The following SLC5A10 variants were observed in gnomAD, a reference collection of about 807,000 sequenced individuals.
SLC5A10 encodes sodium/mannose cotransporter SLC5A10.
A neutral mutation model predicts 68.9 loss-of-function variants in SLC5A10; 55 were observed. The observed-to-expected ratio is 0.80, with a 90% CI of 0.64 to 1.00. The LOEUF is 1.00. SLC5A10 is among the 50% of genes least tolerant of loss of function. SLC5A10 has a pLI of 0.00. For synonymous variants in SLC5A10, 344 were observed against 344.8 expected (o/e 1.00, Z 0.02); for missense variants, 732 against 819.3 (o/e 0.89, Z 1.30).
chr17:18,993,779 G>A (rs1266162408), intron 9 of SLC5A10, among the ~76,000 whole-genome samples: 1 of 152,184 alleles, frequency 6.6e-6, no homozygotes, highest in Non-Finnish European at 1.5e-5. Context: ...TGTGGGCTCT[G>A]CACCCGCTGG....
chr17:18,996,698 G>C lies in SLC5A10; in HGVS notation c.983-16712G>C. Among the ~76,000 whole-genome samples the C allele has an allele frequency of 6.6e-6, 1 of 152,148 alleles. No homozygotes were observed. The highest frequency in any genetic ancestry group is 1.5e-5 in the Non-Finnish European group (1 of 68,018). On this transcript the variant is annotated intron_variant, in intron 9 of 14. Coordinates refer to ENST00000395645, the MANE Select transcript of SLC5A10 (RefSeq NM_001042450.4). This position sits in a 1 kb window ranked among gnomAD's most constrained non-coding sequence, Gnocchi z 4.4. Reference sequence around the variant, plus strand: ...CTGGAGACAGGGAGGGGTGGTGATGGCCACTCCCATTTTCCAGAGGGGGTG... The same window carrying C: ...CTGGAGACAGGGAGGGGTGGTGATGCCCACTCCCATTTTCCAGAGGGGGTG...
At position 19,019,716 on chromosome 17, in the gene SLC5A10, G is replaced by A; in HGVS notation, c.1414G>A (p.Ala472Thr). 1 of 1,609,490 alleles carries A rather than the reference G, an allele frequency of 6.2e-7. No homozygotes were observed. The highest frequency in any genetic ancestry group is 1.3e-5 in the African/African-American group (1 of 75,016). Residue 472 changes from alanine (A) to threonine (T), a missense_variant, in exon 13 of 15, where the codon GCC (alanine) becomes ACC (threonine). Ala to Thr is a moderately conservative substitution (Grantham distance 58, BLOSUM62 0). Coordinates refer to ENST00000395645, the MANE Select transcript of SLC5A10 (RefSeq NM_001042450.4). ...GCCCTGCCTCCCTCCTCCCCAGGGGGCCTTCTGGGGCCTGATAGCAGGGCT... is the reference window on the plus strand; with the variant it reads ...GCCCTGCCTCCCTCCTCCCCAGGGGACCTTCTGGGGCCTGATAGCAGGGCT... ...VFWRRANEQGAFWGLIAGLVV... is the reference protein window; with the variant it reads ...VFWRRANEQGTFWGLIAGLVV...
chr17:19,020,164 C>A lies in SLC5A10; in HGVS notation c.1636C>A (p.Leu546Ile). 1.3e-6 allele frequency: 2 copies of A among 1,545,704 alleles called. No individual in the cohort carries two copies. The highest frequency in any genetic ancestry group is 1.8e-6 in the Non-Finnish European group (2 of 1,137,532). ...CACTCATTTCTTACAGATTGAGAAC[C>A]TTACCTGGTGGACCCTGGCTCAGGA... ...PPPQSVQIEN[L>I]TWWTLAQDVP... Residue 546 changes from leucine (L) to isoleucine (I), a missense_variant, in exon 14 of 15, where the codon CTT becomes ATT. Coordinates refer to ENST00000395645, the MANE Select transcript of SLC5A10 (RefSeq NM_001042450.4).
intron 11 of SLC5A10, among the ~76,000 whole-genome samples, chr17:19,016,619 C>A: frequency 6.6e-6 from 1 of 152,216 alleles, no homozygotes; most frequent in South Asian, 2.1e-4. Context: ...CCTGTTGGGA[C>A]ACGCCAGAGG....
chr17:18,955,084 TCAAAAA>T lies in SLC5A10; in HGVS notation c.111+2769_111+2774del, dbSNP rs1417284049. On this transcript the variant is annotated intron_variant, in intron 1 of 14. Transcript: ENST00000395645. Reference sequence around the variant, plus strand: ...ATGGGCAAAAGAGTGAAACACTGTATCAAAAAAAAAAAAAAAAAAAAAAAAAGAATT... The same window carrying T: ...ATGGGCAAAAGAGTGAAACACTGTATAAAAAAAAAAAAAAAAAAAAGAATT... Among the ~76,000 whole-genome samples, 21 of 23,134 alleles carry T rather than the reference TCAAAAA, an allele frequency of 9.1e-4. 1 individual carries two copies. Among genetic ancestry groups the T allele is most frequent in the Non-Finnish European group, 1.4e-3 (16 of 11,238 alleles). 15.2% of individuals were successfully genotyped at this position (23,134 alleles called of 152,430 possible).
chr17:18,952,602 G>A (rs896761555), intron 1 of SLC5A10: 1 of 301,398 alleles, frequency 3.3e-6, no homozygotes, highest in Non-Finnish European at 6.2e-6. Flanking sequence ...GTCCTTGGGT[G>A]TGGCCCATCA....
intron 12 of SLC5A10, 54 bp from the exon 13 acceptor site, chr17:19,019,659 G>T: frequency 6.2e-7 from 1 of 1,601,944 alleles, no homozygotes. Flanking sequence ...GCCTGTGGGG[G>T]GAGCCTTGGT....
At chr17:19,020,112 G>GGC in intron 13 of SLC5A10, 43 bp from the exon 14 acceptor site, 8 of 551,500 alleles carry the variant, frequency 1.5e-5, no homozygotes, top group Non-Finnish European at 2.2e-5. Context: ...CCCCCACCCT[G>GGC]CCATCCCCCA....
At chr17:19,010,633 T>G (rs559692404) in intron 9 of SLC5A10, among the ~76,000 whole-genome samples, 1 of 144,402 alleles carries the variant, frequency 6.9e-6, no homozygotes, top group African/African-American at 2.5e-5. Context: ...TCACAAAGAA[T>G]CTCCTGACTC....
intron 1 of SLC5A10, among the ~76,000 whole-genome samples, chr17:18,955,198 G>A (rs745977222): frequency 5.9e-5 from 9 of 151,810 alleles, no homozygotes; most frequent in Non-Finnish European, 1.2e-4. Context: ...TAAGGATACA[G>A]CTACACCTCA....
rs1388450046 is a variant in SLC5A10, at chr17:19,020,566, C to T, written c.*135C>T. On this transcript the variant is annotated 3_prime_UTR_variant, in exon 15 of 15. Coordinates refer to ENST00000395645, the MANE Select transcript of SLC5A10 (RefSeq NM_001042450.4). ...AGCAGCTCGGTGCCCAAGAACTGGC[C>T]AAGCCAGCAAAGCGGGAGCCCTGAA... 5 of 760,774 alleles carry T rather than the reference C, an allele frequency of 6.6e-6. No individual in the cohort carries two copies. The highest frequency in any genetic ancestry group is 1.0e-5 in the Non-Finnish European group (5 of 479,986). The allele number at this position is 760,774 out of a possible 1,614,324, so 47.1% of individuals were successfully genotyped here. A position where few individuals can be genotyped will look rare whatever the true frequency, so the allele number is the denominator to read the frequency against.
Position 19,003,590 on chromosome 17 carries a change from A to T in SLC5A10, c.983-9820A>T. ...GGCCTGCCCGTCTATGGGGGGCTGC[A>T]TGTAGACGCTAGCCCGGGTCACGCC... On this transcript the variant is annotated intron_variant, in intron 9 of 14. Transcript: ENST00000395645. The surrounding 1 kb of genome is among the most constrained non-coding windows in gnomAD (Gnocchi z 4.5). The T allele has an allele frequency of 1.2e-6, 2 of 1,605,860 alleles. No individual in the cohort carries two copies. Among genetic ancestry groups the T allele is most frequent in the South Asian group, 1.1e-5 (1 of 90,114 alleles).
At chr17:19,013,154 C>T (rs116396531) in intron 9 of SLC5A10, among the ~76,000 whole-genome samples, 2,678 of 152,276 alleles carry the variant, frequency 0.018, 77 homozygotes, top group African/African-American at 0.061. Flanking sequence ...GCAGAGCCAA[C>T]GGCAGGTGAG....
intron 9 of SLC5A10, among the ~76,000 whole-genome samples, chr17:19,006,598 A>T (rs923085366): frequency 1.3e-5 from 2 of 152,122 alleles, no homozygotes; most frequent in African/African-American, 4.8e-5. Flanking sequence ...TTATGTGTAT[A>T]GATTTGTGTA....
intron 9 of SLC5A10, chr17:18,986,276 T>G (rs1349414311): frequency 6.6e-6 from 1 of 152,264 alleles, no homozygotes; most frequent in Admixed American, 6.5e-5. Flanking sequence ...AGAAGATTGG[T>G]TGAGCCAATA....
rs758626935 is a variant in SLC5A10, at chr17:19,017,730, C to G, written c.1242-1693C>G. 1 of 275,696 alleles carries G rather than the reference C, an allele frequency of 3.6e-6. No homozygotes were observed. Among genetic ancestry groups the G allele is most frequent in the Non-Finnish European group, 7.0e-6 (1 of 142,246 alleles). The allele number at this position is 275,696 out of a possible 1,614,324, so 17.1% of individuals were successfully genotyped here. ...CCCACAGCCTCCTGGAAACCCTGTGCAGGACTCGGAGAGATCTCAGACACC... is the reference window on the plus strand; with the variant it reads ...CCCACAGCCTCCTGGAAACCCTGTGGAGGACTCGGAGAGATCTCAGACACC... On this transcript the variant is annotated intron_variant, in intron 11 of 14. Transcript: ENST00000395645. This position sits in a 1 kb window ranked among gnomAD's most constrained non-coding sequence, Gnocchi z 5.6.
In SLC5A10 at chr17:18,952,228, A is replaced by G; in HGVS notation, c.23A>G (p.Asp8Gly). Residue 8 changes from aspartate to glycine, a missense_variant, in exon 1 of 15, where the codon GAC becomes GGC. By Grantham distance (94) the Asp-to-Gly change is moderately conservative. Coordinates refer to ENST00000395645, the MANE Select transcript of SLC5A10 (RefSeq NM_001042450.4). MAANSTS[D>G]LHTPGTQLSV... ...GCCATGGCCGCCAACTCCACCAGCGACCTCCACACTCCCGGGACGCAGCTG... is the reference window on the plus strand; with the variant it reads ...GCCATGGCCGCCAACTCCACCAGCGGCCTCCACACTCCCGGGACGCAGCTG... 2 of 1,613,434 alleles carry G rather than the reference A, an allele frequency of 1.2e-6. No homozygotes were observed. Among genetic ancestry groups the G allele is most frequent in the Non-Finnish European group, 1.7e-6 (2 of 1,179,754 alleles).
At chr17:18,952,116 A>C (rs1272673664), upstream of SLC5A10, 1 of 1,512,270 alleles carries the variant, frequency 6.6e-7, no homozygotes, top group Non-Finnish European at 8.8e-7. Context: ...TGGTTTAATG[A>C]TCAATGAGCT....
At chr17:18,982,289 C>G (rs961256104) in intron 9 of SLC5A10, among the ~76,000 whole-genome samples, 5 of 152,144 alleles carry the variant, frequency 3.3e-5, no homozygotes, top group Non-Finnish European at 5.9e-5. Context: ...TGCAGCAGGG[C>G]CCCCCACCTC....
Sources: allele counts gnomAD v4.1 joint callset (sites outside exome capture counted in the v4.1 genomes callset), GRCh38; gene constraint gnomAD v4.1.1; non-coding constraint Gnocchi (gnomAD v3.1); transcripts MANE v1.5; gene names NCBI Gene and HGNC (gene_info 2026-07-23, HGNC 2026-07-21).